Variants in LCA5 observed in about 807,000 individuals in gnomAD.
LCA5 encodes the protein lebercilin LCA5.
In LCA5, 37 loss-of-function variants were observed where a neutral mutation model predicts 53.0. The observed-to-expected ratio is 0.70, with a 90% confidence interval of 0.54 to 0.92. The LOEUF is 0.92. LCA5 is among the 40% of genes least tolerant of loss of function. LCA5 has a pLI of 0.00. For missense variants in LCA5, 806 were observed against 790.5 expected, an observed-to-expected ratio of 1.02 and a Z score of -0.23; for synonymous variants, 303 against 282.9, an observed-to-expected ratio of 1.07 and a Z score of -0.71.
At chr6:79,531,512 C>T (rs183276750) in intron 1 of LCA5, among the ~76,000 whole-genome samples, 7 of 152,190 alleles carry the variant, frequency 4.6e-5, no homozygotes, top group Admixed American at 3.3e-4. Context: ...CACTTCTTTC[C>T]GACCATTTCC....
intron 1 of LCA5, among the ~76,000 whole-genome samples, chr6:79,529,824 T>TA (rs1190565677): frequency 6.6e-6 from 1 of 151,750 alleles, no homozygotes; most frequent in East Asian, 1.9e-4. Context: ...TGAAGGTGGA[T>TA]ACCATCATTC....
intron 6 of LCA5, 121 bp from the exon 7 acceptor site, chr6:79,489,337 A>C (rs1046522226): frequency 3.1e-5 from 31 of 995,232 alleles, no homozygotes; most frequent in Non-Finnish European, 4.2e-5. Context: ...CAAATTTTCA[A>C]TTAATGAATC....
At chr6:79,488,813 T>C in intron 7 of LCA5, 1 of 525,972 alleles carries the variant, frequency 1.9e-6, no homozygotes, top group East Asian at 3.0e-5. Context: ...GGCATCTGAA[T>C]TCTACTTCAT....
In LCA5 at chr6:79,513,248, T is replaced by C; in HGVS notation, c.684A>G (p.Ala228=). ...RDDLAKKLVS[A]ELKLDDTERR... ...TCTCGGTGTCATCTAACTTTAACTCTGCTGAAACTAGTTTCTTTGCCAAAT... is the reference window on the plus strand; with the variant it reads ...TCTCGGTGTCATCTAACTTTAACTCCGCTGAAACTAGTTTCTTTGCCAAAT... The change falls in exon 3 of 8, where the codon GCA becomes GCG. Residue 228 remains alanine (A), a synonymous_variant. Coordinates refer to ENST00000369846, the MANE Select transcript of LCA5 (RefSeq NM_001122769.3). 1 of 1,613,698 alleles carries C rather than the reference T, an allele frequency of 6.2e-7. No homozygotes were observed. The highest frequency in any genetic ancestry group is 8.5e-7 in the Non-Finnish European group (1 of 1,179,776).
intron 3 of LCA5, among the ~76,000 whole-genome samples, chr6:79,498,018 G>A (rs1378424549): frequency 6.6e-6 from 1 of 150,678 alleles, no homozygotes; most frequent in Non-Finnish European, 1.5e-5. Context: ...ACTACAGACA[G>A]TAGATTAGAG....
intron 3 of LCA5, among the ~76,000 whole-genome samples, chr6:79,507,449 A>G (rs1308297697): frequency 6.6e-6 from 1 of 152,140 alleles, no homozygotes; most frequent in East Asian, 1.9e-4. Context: ...TTGAGAGCAA[A>G]GGTTTGGAAA....
chr6:79,512,726 G>A (rs1766270244), intron 3 of LCA5, among the ~76,000 whole-genome samples: 1 of 152,100 alleles, frequency 6.6e-6, no homozygotes, highest in Non-Finnish European at 1.5e-5. Flanking sequence ...AAGAGCTGCT[G>A]TATTCTCAGA....
chr6:79,486,906 A>G lies in LCA5; in HGVS notation c.*98T>C. The G allele has an allele frequency of 3.0e-6, 3 of 990,748 alleles. No homozygotes were observed. The highest frequency in any genetic ancestry group is 2.5e-5 in the Admixed American group (1 of 40,426). The allele number at this position is 990,748 out of a possible 1,614,324, so 61.4% of individuals were successfully genotyped here. A position where few individuals can be genotyped will look rare whatever the true frequency, so the allele number is the denominator to read the frequency against. On this transcript the variant is annotated 3_prime_UTR_variant, in exon 8 of 8. Coordinates refer to ENST00000369846, the MANE Select transcript of LCA5 (RefSeq NM_001122769.3). ...TAGCTATTAAAAATCATTCCTTAATAAGGACATTTTAGCATTAAAAAGTCT... is the reference window on the plus strand; with the variant it reads ...TAGCTATTAAAAATCATTCCTTAATGAGGACATTTTAGCATTAAAAAGTCT...
intron 3 of LCA5, among the ~76,000 whole-genome samples, chr6:79,495,078 C>T (rs1170982067): frequency 2.6e-5 from 4 of 152,310 alleles, no homozygotes; most frequent in East Asian, 1.9e-4. Context: ...CGAGCAAGCG[C>T]GAGCATTACC....
rs775337775 is a variant in LCA5 at position 79,518,871 on chromosome 6, T to C, written c.24A>G (p.Pro8=). ...CTGCCTTTCTTTCTTGATCAGTACCTGGACTTCCTGCTCTTTCCCCCATTG... is the reference window on the plus strand; with the variant it reads ...CTGCCTTTCTTTCTTGATCAGTACCCGGACTTCCTGCTCTTTCCCCCATTG... MGERAGS[P]GTDQERKAGK... The change falls in exon 2 of 8, where the codon CCA becomes CCG. Residue 8 remains proline (P), a synonymous_variant. Coordinates refer to ENST00000369846, the MANE Select transcript of LCA5 (RefSeq NM_001122769.3). 1 of 1,614,152 alleles carries C rather than the reference T, an allele frequency of 6.2e-7. No homozygotes were observed. The highest frequency in any genetic ancestry group is 1.7e-5 in the Admixed American group (1 of 60,026).
chr6:79,514,862 G>A (rs775729533), intron 2 of LCA5, among the ~76,000 whole-genome samples: 3 of 152,020 alleles, frequency 2.0e-5, no homozygotes, highest in Non-Finnish European at 4.4e-5. Flanking sequence ...GCCTATTGGA[G>A]GGTGCAGGGC....
rs947720421 is a variant in LCA5, at chr6:79,491,484, G to C, written c.1098+104C>G. ...AAAAGGCTAGTCGCATATTCATATA[G>C]ATATAGTACTAGCTTCATTACTGAA... On this transcript the variant is annotated intron_variant, in intron 6 of 7. Coordinates refer to ENST00000369846, the MANE Select transcript of LCA5 (RefSeq NM_001122769.3). 8 of 1,177,104 alleles carry C rather than the reference G, an allele frequency of 6.8e-6. No homozygotes were observed. In the Admixed American group the frequency reaches 1.4e-4, roughly 20 times the overall value. The allele number at this position is 1,177,104 out of a possible 1,614,324, so 72.9% of individuals were successfully genotyped here.
chr6:79,503,072 G>A (rs1213640776), intron 3 of LCA5, among the ~76,000 whole-genome samples: 1 of 152,096 alleles, frequency 6.6e-6, no homozygotes, highest in Non-Finnish European at 1.5e-5. Flanking sequence ...GGTAGAGACA[G>A]GGTTTCAACA....
chr6:79,495,909 C>G (rs1294833214), intron 3 of LCA5, among the ~76,000 whole-genome samples: 3 of 152,084 alleles, frequency 2.0e-5, no homozygotes, highest in African/African-American at 7.2e-5. Flanking sequence ...TAGACCCACT[C>G]AGTTCAAACC....
At position 79,513,261 on chromosome 6, in the gene LCA5, T is replaced by G; in HGVS notation, c.671A>C (p.Lys224Thr). The part of the protein sequence containing the change: ...HLPERDDLAK[K>T]LVSAELKLDD... ...TAACTTTAACTCTGCTGAAACTAGT[T>G]TCTTTGCCAAATCATCTCGTTCAGG... The change falls in exon 3 of 8, where the codon AAA (lysine) becomes ACA (threonine). Residue 224 changes from lysine (K) to threonine (T), a missense_variant. Physicochemically the swap from Lys to Thr is moderately conservative, Grantham distance 78 (BLOSUM62 -1). Coordinates refer to ENST00000369846, the MANE Select transcript of LCA5 (RefSeq NM_001122769.3). 1.9e-6 allele frequency: 3 copies of G among 1,613,720 alleles called. No individual in the cohort carries two copies. Among genetic ancestry groups the G allele is most frequent in the Non-Finnish European group, 2.5e-6 (3 of 1,179,784 alleles).
chr6:79,488,024 G>T, intron 7 of LCA5, 158 bp from the exon 8 acceptor site: 2 of 631,374 alleles, frequency 3.2e-6, no homozygotes, highest in East Asian at 2.8e-5. Context: ...TGATATTCTG[G>T]GATTAGAGAA....
At chr6:79,535,117 A>T (rs1029913531) in intron 1 of LCA5, among the ~76,000 whole-genome samples, 2 of 152,216 alleles carry the variant, frequency 1.3e-5, no homozygotes, top group South Asian at 4.1e-4. Context: ...TCTACTGAAA[A>T]AAATGGATAT....
intron 3 of LCA5, among the ~76,000 whole-genome samples, chr6:79,498,961 T>C (rs989644356): frequency 5.9e-5 from 9 of 152,106 alleles, no homozygotes; most frequent in African/African-American, 1.9e-4. Flanking sequence ...TTCCAAAATA[T>C]GAATATTGTT....
In LCA5 at chr6:79,518,922, T is replaced by C. The variant is rs773593766; in HGVS notation, c.-28A>G. ...TTTTGAAAAATGGTCTCTATTCACA[T>C]AATTTCACAGATTATTTTCTCCAGA... On this transcript the variant is annotated 5_prime_UTR_variant, in exon 2 of 8. The change abolishes an upstream ATG in the 5' untranslated region. Transcript: ENST00000369846. 4.4e-6 allele frequency: 7 copies of C among 1,606,098 alleles called. No individual in the cohort carries two copies. The East Asian group carries it at 1.3e-4, about 31-fold the overall frequency.
Sources: allele counts gnomAD v4.1 joint callset (sites outside exome capture counted in the v4.1 genomes callset), GRCh38; gene constraint gnomAD v4.1.1; transcripts MANE v1.5; gene names NCBI Gene and HGNC (gene_info 2026-07-23, HGNC 2026-07-21).